Variants in UNC5C observed in about 807,000 individuals in gnomAD.
UNC5C encodes the protein netrin receptor UNC5C.
Under a neutral mutation model 99.8 loss-of-function variants are expected in UNC5C, and 47 were observed. The observed-to-expected ratio is 0.47, with a 90% CI of 0.37 to 0.60. The LOEUF (loss-of-function observed/expected upper bound fraction) is 0.60. UNC5C is among the 20% of genes least tolerant of loss of function. The pLI, the probability that UNC5C is intolerant of heterozygous loss-of-function variation, is 0.00. For synonymous variants in UNC5C, 487 were observed against 452.2 expected, an observed-to-expected ratio of 1.08 and a Z score of -0.98; for missense variants, 1,062 against 1,165.9, an observed-to-expected ratio of 0.91 and a Z score of 1.30.
chr4:95,479,371 C>A (rs1434437279), intron 1 of UNC5C, among the ~76,000 whole-genome samples: 2 of 151,874 alleles, frequency 1.3e-5, no homozygotes, highest in African/African-American at 4.8e-5. Flanking sequence ...TTGGATAGAT[C>A]CCTGGGCATG....
At chr4:95,518,779 T>A (rs1266531785) in intron 1 of UNC5C, among the ~76,000 whole-genome samples, 1 of 152,210 alleles carries the variant, frequency 6.6e-6, no homozygotes, top group African/African-American at 2.4e-5. Flanking sequence ...CATTAACATC[T>A]CTTTGATGAA....
chr4:95,447,189 GTATT>G lies in UNC5C; in HGVS notation c.124+101541_124+101544del, dbSNP rs1197062276. 1.3e-4 allele frequency among the ~76,000 whole-genome samples: 20 copies of G among 151,034 alleles called. No homozygotes were observed. The South Asian group carries it at 4.2e-3, about 31-fold the overall frequency. On this transcript the variant is annotated intron_variant, in intron 1 of 15. Coordinates refer to ENST00000453304, the MANE Select transcript of UNC5C (RefSeq NM_003728.4). ...CTAGAGATTAGAAATACATATATATGTATTGTTATAAAATTCTATATTCAATTAC... is the reference window on the plus strand; with the variant it reads ...CTAGAGATTAGAAATACATATATATGGTTATAAAATTCTATATTCAATTAC...
chr4:95,196,148 G>A (rs1368682392), intron 12 of UNC5C, among the ~76,000 whole-genome samples: 3 of 152,086 alleles, frequency 2.0e-5, no homozygotes, highest in African/African-American at 7.2e-5. Context: ...TCTCCTAGGT[G>A]TTTTTAAACT....
At chr4:95,320,694 T>C (rs946277718) in intron 2 of UNC5C, among the ~76,000 whole-genome samples, 2 of 152,178 alleles carry the variant, frequency 1.3e-5, no homozygotes, top group South Asian at 4.1e-4. Flanking sequence ...AGAACGGTCC[T>C]TGGACTCCTG....
intron 13 of UNC5C, among the ~76,000 whole-genome samples, chr4:95,183,720 C>G (rs1736711527): frequency 6.6e-6 from 1 of 152,086 alleles, no homozygotes; most frequent in African/African-American, 2.4e-5. Flanking sequence ...AAGGTTGCCA[C>G]ATAAAAAATG....
intron 1 of UNC5C, among the ~76,000 whole-genome samples, chr4:95,483,949 T>G (rs1443808196): frequency 6.6e-6 from 1 of 151,988 alleles, no homozygotes; most frequent in South Asian, 2.1e-4. Context: ...ATTCATATTC[T>G]AATATGTCAG....
chr4:95,452,456 A>AG (rs1266751824), intron 1 of UNC5C, among the ~76,000 whole-genome samples: 3 of 152,132 alleles, frequency 2.0e-5, no homozygotes, highest in South Asian at 2.1e-4. Flanking sequence ...GGGTTTCACC[A>AG]GGGGACAGTT....
intron 1 of UNC5C, among the ~76,000 whole-genome samples, chr4:95,354,480 T>TATATATATATATATATATATATATATA (rs760696053): frequency 1.3e-3 from 133 of 105,526 alleles, no homozygotes; most frequent in African/African-American, 5.0e-3. Context: ...TATATATATA[T>TATATATATATATATATATATATATATA]TTTTTTTTTT....
At chr4:95,200,039 C>T (rs1487138352) in intron 12 of UNC5C, among the ~76,000 whole-genome samples, 1 of 152,192 alleles carries the variant, frequency 6.6e-6, no homozygotes, top group Non-Finnish European at 1.5e-5. Flanking sequence ...TTCCCCAAGA[C>T]CATGCTGGTC....
intron 2 of UNC5C, among the ~76,000 whole-genome samples, chr4:95,332,408 A>G (rs964788475): frequency 4.0e-5 from 6 of 148,750 alleles, no homozygotes; most frequent in Non-Finnish European, 7.5e-5. Context: ...GCCCTCAGAA[A>G]TAATGCCACA....
chr4:95,247,917 T>A (rs573360251), intron 5 of UNC5C: 81 of 152,434 alleles, frequency 5.3e-4, no homozygotes, highest in African/African-American at 1.9e-3. Context: ...ATGTTGTTAA[T>A]CAAGTCTTTC....
intron 1 of UNC5C, among the ~76,000 whole-genome samples, chr4:95,383,509 T>G (rs1745129746): frequency 6.6e-6 from 1 of 152,332 alleles, no homozygotes; most frequent in African/African-American, 2.4e-5. Context: ...ATTTCTGTTT[T>G]GGTATGTTAA....
chr4:95,290,847 T>C (rs1489970038), intron 3 of UNC5C, among the ~76,000 whole-genome samples: 2 of 152,192 alleles, frequency 1.3e-5, no homozygotes, highest in Non-Finnish European at 2.9e-5. Flanking sequence ...TTTCATAATA[T>C]CATAACTCAT....
chr4:95,286,747 A>G (rs932373174), intron 3 of UNC5C, among the ~76,000 whole-genome samples: 7 of 152,220 alleles, frequency 4.6e-5, no homozygotes, highest in Non-Finnish European at 7.3e-5. Context: ...CCAATCAATC[A>G]GCTTCCTCTT....
rs531509627 is a variant in UNC5C at position 95,177,277 on chromosome 4, A to G, written c.2451+5620T>C. ...TGTCTCTCTCTTTTTAAAGCACGTA[A>G]CTTGTTGGTGTTCCTCACTAGTTGC... On this transcript the variant is annotated intron_variant, in intron 14 of 15. Coordinates refer to ENST00000453304, the MANE Select transcript of UNC5C (RefSeq NM_003728.4). Among the ~76,000 whole-genome samples, 4 of 152,236 alleles carry G rather than the reference A, an allele frequency of 2.6e-5. No homozygotes were observed. In the South Asian group the frequency reaches 8.3e-4, roughly 32 times the overall value.
At chr4:95,221,372 C>A (rs928048586) in intron 7 of UNC5C, among the ~76,000 whole-genome samples, 1 of 152,072 alleles carries the variant, frequency 6.6e-6, no homozygotes. Context: ...ATTTGTAGGT[C>A]CCATGACCTC....
intron 1 of UNC5C, among the ~76,000 whole-genome samples, chr4:95,483,086 C>G (rs1227697407): frequency 1.3e-5 from 2 of 150,114 alleles, no homozygotes; most frequent in African/African-American, 4.9e-5. Flanking sequence ...CAGCCCATGA[C>G]TACCTTGTTT....
intron 7 of UNC5C, 124 bp from the exon 8 acceptor site, chr4:95,220,300 C>T: frequency 1.0e-6 from 1 of 978,790 alleles, no homozygotes; most frequent in African/African-American, 1.7e-5. Flanking sequence ...AAATCTATTT[C>T]AAAAGCTATA....
At chr4:95,415,633 T>C (rs1341192666) in intron 1 of UNC5C, among the ~76,000 whole-genome samples, 1 of 152,182 alleles carries the variant, frequency 6.6e-6, no homozygotes, top group Non-Finnish European at 1.5e-5. Flanking sequence ...GTTTGATGAC[T>C]CATTTTTGTA....
Sources: allele counts gnomAD v4.1 joint callset (sites outside exome capture counted in the v4.1 genomes callset), GRCh38; gene constraint gnomAD v4.1.1; transcripts MANE v1.5; gene names NCBI Gene and HGNC (gene_info 2026-07-23, HGNC 2026-07-21).